TOP1MT: variants seen among roughly 807,000 people sequenced by gnomAD.
TOP1MT encodes DNA topoisomerase I mitochondrial, also known as DNA topoisomerase I, mitochondrial.
In TOP1MT, 80 loss-of-function variants were observed where a neutral mutation model predicts 73.9. The ratio of observed to expected loss-of-function variants is 1.08; its 90% CI spans 0.90 to 1.30. TOP1MT has a LOEUF of 1.30. Ranked by LOEUF, TOP1MT falls within the 50% of genes most tolerant of loss-of-function variation. The pLI, the probability that TOP1MT is intolerant of heterozygous loss-of-function variation, is 0.00. For synonymous variants in TOP1MT, 338 were observed against 326.4 expected, an observed-to-expected ratio of 1.04 and a Z score of -0.38; for missense variants, 815 against 808.0, an observed-to-expected ratio of 1.01 and a Z score of -0.10.
In TOP1MT at chr8:143,329,504, A is replaced by G. The variant is rs1366969502; in HGVS notation, c.239-33T>C. The G allele has an allele frequency of 6.3e-6, 10 of 1,591,696 alleles. No individual in the cohort carries two copies. The East Asian group carries it at 2.3e-4, about 36-fold the overall frequency. On this transcript the variant is annotated intron_variant, in intron 2 of 13. Transcript: ENST00000329245. ...CATCGGAAGACACATCGTATGAGAG[A>G]GCGGCCAGAGGCTCGGCCTCCAGCT...
chr8:143,351,944 G>A (rs1243695164), intron 1 of TOP1MT, among the ~76,000 whole-genome samples: 1 of 152,194 alleles, frequency 6.6e-6, no homozygotes, highest in Non-Finnish European at 1.5e-5. Flanking sequence ...TTAGCTGAGT[G>A]TGGTGGCACA....
upstream of TOP1MT, among the ~76,000 whole-genome samples, chr8:143,347,730 A>G (rs1043947801): frequency 6.6e-6 from 1 of 151,708 alleles, no homozygotes; most frequent in African/African-American, 2.4e-5. Flanking sequence ...CCAGCCAGCC[A>G]GCGGGGAAGA....
At chr8:143,316,311 C>T (rs1198020530) in intron 10 of TOP1MT, among the ~76,000 whole-genome samples, 185 bp from the exon 11 acceptor site, 3 of 152,208 alleles carry the variant, frequency 2.0e-5, no homozygotes, top group Non-Finnish European at 2.9e-5. Flanking sequence ...CAGGGCCCAG[C>T]GTCTTTAACC....
chr8:143,341,854 C>T lies in TOP1MT; in HGVS notation c.29+1366G>A, dbSNP rs952322632. 5.3e-5 allele frequency among the ~76,000 whole-genome samples: 8 copies of T among 150,180 alleles called. No individual in the cohort carries two copies. Among genetic ancestry groups the T allele is most frequent in the Admixed American group, 4.6e-4 (7 of 15,250 alleles). On this transcript the variant is annotated intron_variant, in intron 2 of 5. Transcript: ENST00000518007. This position sits in a 1 kb window ranked among gnomAD's most constrained non-coding sequence, Gnocchi z 4.1. ...TCTTCCTCTTCTTCCTCCTCCTCCT[C>T]CTTCCTCTTTCTCCTCCCCCTTCTT...
intron 12 of TOP1MT, among the ~76,000 whole-genome samples, chr8:143,314,455 G>A (rs982922846): frequency 2.2e-4 from 33 of 151,942 alleles, no homozygotes; most frequent in African/African-American, 7.0e-4. Context: ...TGAGCCGGGC[G>A]TGGTGGCGCG....
At chr8:143,347,786 C>T (rs1194724594), upstream of TOP1MT, among the ~76,000 whole-genome samples, 1 of 152,136 alleles carries the variant, frequency 6.6e-6, no homozygotes, top group African/African-American at 2.4e-5. Context: ...GGAGAGAGGG[C>T]AGAGCCACCC....
chr8:143,349,020 C>T (rs533919302), upstream of TOP1MT, among the ~76,000 whole-genome samples: 17 of 152,236 alleles, frequency 1.1e-4, no homozygotes, highest in African/African-American at 3.6e-4. Flanking sequence ...AGGGCAGAAC[C>T]GCGGTCTCCA....
rs367544690 is a variant in TOP1MT, at chr8:143,325,368, C to G, written c.649G>C (p.Asp217His). Residue 217 changes from aspartate (D) to histidine (H), a missense_variant, in exon 5 of 14, where the codon GAT becomes CAT. By Grantham distance (81) the Asp-to-His change is moderately conservative. Transcript: ENST00000329245. ...GMLKRRITPE[D>H]VVINCSRDSK... ...CACCTGCTGCAGTTGATAACCACAT[C>G]CTCTGGCGTGATCCTTCTCTTCAGC... The G allele has an allele frequency of 5.6e-5, 90 of 1,602,132 alleles. No individual in the cohort carries two copies. The African/African-American group carries it at 9.8e-4, about 17-fold the overall frequency.
intron 2 of TOP1MT, among the ~76,000 whole-genome samples, chr8:143,342,825 C>T (rs1273192222): frequency 7.9e-6 from 1 of 126,724 alleles, no homozygotes; most frequent in East Asian, 2.1e-4. Context: ...CGCTCTGTCA[C>T]CCAGGCTGGA....
At chr8:143,346,957 A>ATTTC (rs771939908), upstream of TOP1MT, among the ~76,000 whole-genome samples, 6 of 115,814 alleles carry the variant, frequency 5.2e-5, no homozygotes, top group African/African-American at 2.0e-4. Context: ...TCACTTCTTT[A>ATTTC]TTTATTTATT....
intron 1 of TOP1MT, among the ~76,000 whole-genome samples, chr8:143,351,563 G>C (rs1817320838): frequency 6.7e-6 from 1 of 148,908 alleles, no homozygotes; most frequent in Non-Finnish European, 1.5e-5. Context: ...CTGGGGGACA[G>C]AGTGAGACCC....
chr8:143,332,759 G>A (rs899898671), intron 1 of TOP1MT: 5 of 384,100 alleles, frequency 1.3e-5, no homozygotes, highest in East Asian at 1.5e-4. Flanking sequence ...GGAGCCGGGC[G>A]TGGTGGCTCA....
chr8:143,318,176 C>T (rs992931957), intron 8 of TOP1MT, 90 bp from the exon 9 acceptor site: 39 of 1,221,862 alleles, frequency 3.2e-5, no homozygotes, highest in African/African-American at 9.0e-5. Flanking sequence ...TGGGAGCCCA[C>T]GGGAGGCTTC....
At chr8:143,321,497 CACG>C in intron 7 of TOP1MT, 111 bp from the exon 8 acceptor site, 1 of 725,634 alleles carries the variant, frequency 1.4e-6, no homozygotes. Context: ...GCCACACACG[CACG>C]CCACACACAC....
At chr8:143,321,785 A>C (rs1168029142) in intron 7 of TOP1MT, among the ~76,000 whole-genome samples, 1 of 85,774 alleles carries the variant, frequency 1.2e-5, no homozygotes. Context: ...CACGCACGCC[A>C]CACACGCACG....
In TOP1MT at chr8:143,324,595, G is replaced by A; in HGVS notation, c.706C>T (p.Gln236Ter). Residue 236 changes from glutamine (Q) to a stop codon, truncating the protein, a stop_gained, in exon 6 of 14, where the codon CAG (glutamine) becomes TAG (stop). Transcript: ENST00000329245. LOFTEE classifies it high-confidence loss of function. Reference protein sequence around the residue: ...SKIPEPPAGHQWKEVRSDNTV... With the variant: ...SKIPEPPAGH Reference sequence around the variant, plus strand: ...TTATCGGAGCGCACCTCCTTCCACTGGTGCCCCGCCGGCGGCTCGGGGATC... The same window carrying A: ...TTATCGGAGCGCACCTCCTTCCACTAGTGCCCCGCCGGCGGCTCGGGGATC... 2 of 1,613,554 alleles carry A rather than the reference G, an allele frequency of 1.2e-6. No homozygotes were observed. Among genetic ancestry groups the A allele is most frequent in the Non-Finnish European group, 1.7e-6 (2 of 1,179,952 alleles).
At chr8:143,318,134 A>T in intron 8 of TOP1MT, 48 bp from the exon 9 acceptor site, 1 of 1,578,862 alleles carries the variant, frequency 6.3e-7, no homozygotes, top group African/African-American at 1.3e-5. Flanking sequence ...ACCCGAATCC[A>T]GTGAGGACCT....
chr8:143,319,551 C>T (rs569779909), intron 8 of TOP1MT, among the ~76,000 whole-genome samples: 4 of 152,110 alleles, frequency 2.6e-5, no homozygotes, highest in South Asian at 2.1e-4. Flanking sequence ...CAGGGGACAC[C>T]GTGACTCTTC....
chr8:143,309,409 A>G lies in TOP1MT; in HGVS notation c.*32T>C, dbSNP rs1173528710. The G allele has an allele frequency of 9.4e-6, 15 of 1,603,440 alleles. No individual in the cohort carries two copies. The highest frequency in any genetic ancestry group is 7.7e-5 in the South Asian group (7 of 90,906). ...CTTTAATAGTGAAAAAAACACACACACATACAAAAGAAGTTTCAACACGGC... is the reference window on the plus strand; with the variant it reads ...CTTTAATAGTGAAAAAAACACACACGCATACAAAAGAAGTTTCAACACGGC... On this transcript the variant is annotated 3_prime_UTR_variant, in exon 14 of 14. Coordinates refer to ENST00000329245, the MANE Select transcript of TOP1MT (RefSeq NM_052963.3).
Sources: gnomAD v4.1 joint callset for allele counts (sites outside exome capture counted in the v4.1 genomes callset) on GRCh38, gnomAD v4.1.1 for gene constraint, Gnocchi (gnomAD v3.1) non-coding constraint, MANE v1.5 for transcripts, NCBI Gene and HGNC (gene_info 2026-07-23, HGNC 2026-07-21) for gene names.